Variants in PRPF3 observed in about 807,000 individuals in gnomAD.
The protein encoded by PRPF3 is U4/U6 small nuclear ribonucleoprotein Prp3.
A neutral mutation model predicts 89.2 loss-of-function variants in PRPF3; 3 were observed. That is an observed-to-expected ratio of 0.03 (90% CI 0.02 to 0.09). The LOEUF is 0.09. Ranked by LOEUF, PRPF3 falls within the 10% of genes least tolerant of loss-of-function variation. PRPF3 has a pLI of 1.00. For synonymous variants in PRPF3, 270 were observed against 289.1 expected, an observed-to-expected ratio of 0.93 and a Z score of 0.67; for missense variants, 463 against 828.8, an observed-to-expected ratio of 0.56 and a Z score of 5.42.
intron 2 of PRPF3, among the ~76,000 whole-genome samples, 196 bp from the exon 3 acceptor site, chr1:150,325,555 C>T (rs1200218909): frequency 6.6e-6 from 1 of 152,096 alleles, no homozygotes; most frequent in Non-Finnish European, 1.5e-5. Flanking sequence ...CACCACTTCC[C>T]ACGCCAAAAA....
intron 1 of PRPF3, 133 bp from the exon 2 acceptor site, chr1:150,324,762 G>A: frequency 1.7e-6 from 1 of 576,240 alleles, no homozygotes; most frequent in Non-Finnish European, 3.0e-6. Flanking sequence ...GGCCAGACTG[G>A]TCTCGAACTC....
intron 14 of PRPF3, 80 bp downstream of exon 14, chr1:150,346,571 T>C: frequency 7.3e-7 from 1 of 1,374,242 alleles, no homozygotes; most frequent in South Asian, 1.2e-5. Context: ...TCTTATTTCC[T>C]CCCTGTGACA....
At chr1:150,345,642 C>A (rs1005628366) in intron 12 of PRPF3, 1 of 294,458 alleles carries the variant, frequency 3.4e-6, no homozygotes, top group Non-Finnish European at 6.6e-6. Flanking sequence ...AGCCACCGCA[C>A]CCAGCCAAGT....
intron 9 of PRPF3, 174 bp from the exon 10 acceptor site, chr1:150,343,135 G>A (rs1657938742): frequency 4.0e-6 from 1 of 248,672 alleles, no homozygotes; most frequent in Non-Finnish European, 7.5e-6. Context: ...CTAGCTACTC[G>A]GGAGGCTGAG....
At chr1:150,345,127 G>A (rs1430104706) in intron 12 of PRPF3, among the ~76,000 whole-genome samples, 9 of 151,672 alleles carry the variant, frequency 5.9e-5, no homozygotes, top group African/African-American at 2.2e-4. Context: ...CTATTAACTA[G>A]TTCTTTATTA....
chr1:150,325,771 G>A lies in PRPF3; in HGVS notation c.166G>A (p.Asp56Asn). The A allele has an allele frequency of 6.2e-7, 1 of 1,613,258 alleles. No homozygotes were observed. Among genetic ancestry groups the A allele is most frequent in the Non-Finnish European group, 8.5e-7 (1 of 1,179,480 alleles). The change falls in exon 3 of 16, where the codon GAT becomes AAT. Residue 56 changes from aspartate (D) to asparagine (N), a missense_variant. Asp to Asn is a conservative substitution (Grantham distance 23). Coordinates refer to ENST00000324862, the MANE Select transcript of PRPF3 (RefSeq NM_004698.4). Reference sequence around the variant, plus strand: ...GTCAGATCATCTGAAACCTTTTCTTGATGATTCTACTCTCCGATTTGTGGA... The same window carrying A: ...GTCAGATCATCTGAAACCTTTTCTTAATGATTCTACTCTCCGATTTGTGGA... ...KAADHLKPFLDDSTLRFVDKL... is the reference protein window; with the variant it reads ...KAADHLKPFLNDSTLRFVDKL...
chr1:150,352,906 A>G lies in PRPF3; in HGVS notation c.1979A>G (p.His660Arg). ...QCPTENMARE[H>R]FKKHGAEHYW... Reference sequence around the variant, plus strand: ...CCTACAGAGAACATGGCTCGTGAGCATTTCAAAAAGCATGGGGCTGAACAC... The same window carrying G: ...CCTACAGAGAACATGGCTCGTGAGCGTTTCAAAAAGCATGGGGCTGAACAC... Residue 660 changes from histidine (H) to arginine (R), a missense_variant, in exon 16 of 16, where the codon CAT becomes CGT. Around this residue, in one of 8 missense-constraint regions of PRPF3, gnomAD observed 78 missense variants for 96.6 expected, o/e 0.81. Coordinates refer to ENST00000324862, the MANE Select transcript of PRPF3 (RefSeq NM_004698.4). 1 of 1,614,186 alleles carries G rather than the reference A, an allele frequency of 6.2e-7. No homozygotes were observed. Among genetic ancestry groups the G allele is most frequent in the Non-Finnish European group, 8.5e-7 (1 of 1,180,028 alleles).
chr1:150,341,370 A>G (rs1186013858), intron 9 of PRPF3, among the ~76,000 whole-genome samples: 2 of 151,086 alleles, frequency 1.3e-5, no homozygotes, highest in Admixed American at 1.3e-4. Flanking sequence ...TAGTTTCCCA[A>G]AGTTGAAACT....
intron 7 of PRPF3, among the ~76,000 whole-genome samples, chr1:150,335,835 C>T (rs1178199939): frequency 6.8e-6 from 1 of 146,652 alleles, no homozygotes; most frequent in African/African-American, 2.5e-5. Context: ...GTGGTACAGT[C>T]TCAGCTCACT....
At chr1:150,328,892 A>G (rs1442852302) in intron 4 of PRPF3, among the ~76,000 whole-genome samples, 1 of 152,034 alleles carries the variant, frequency 6.6e-6, no homozygotes, top group Non-Finnish European at 1.5e-5. Flanking sequence ...GGGTTTCACC[A>G]TGTTGGGCAG....
chr1:150,350,530 C>A (rs1397736310), intron 15 of PRPF3, among the ~76,000 whole-genome samples: 4 of 152,084 alleles, frequency 2.6e-5, no homozygotes, highest in African/African-American at 4.8e-5. Flanking sequence ...GTGCTTATTT[C>A]TAGTATATGT....
At chr1:150,335,346 T>A (rs1435683293) in intron 7 of PRPF3, 105 bp downstream of exon 7, 3 of 1,351,504 alleles carry the variant, frequency 2.2e-6, no homozygotes, top group African/African-American at 2.9e-5. Flanking sequence ...ATAGGTCATT[T>A]AAAGCAGCAG....
intron 4 of PRPF3, among the ~76,000 whole-genome samples, chr1:150,329,493 TAAATG>T (rs1480292805): frequency 1.4e-4 from 21 of 149,248 alleles, no homozygotes; most frequent in African/African-American, 5.4e-4. Context: ...TTGAGAAAAT[TAAATG>T]AAATGATCAG....
At position 150,324,914 on chromosome 1, in the gene PRPF3, T is replaced by G; in HGVS notation, c.-29T>G. 2.5e-6 allele frequency: 4 copies of G among 1,598,068 alleles called. No individual in the cohort carries two copies. The highest frequency in any genetic ancestry group is 3.4e-6 in the Non-Finnish European group (4 of 1,170,772). Reference sequence around the variant, plus strand: ...TTTTAGGTGTAGTATTGAGTCCTGTTTGAGCTATTGTTCTCTTTTTCCTGA... The same window carrying G: ...TTTTAGGTGTAGTATTGAGTCCTGTGTGAGCTATTGTTCTCTTTTTCCTGA... On this transcript the variant is annotated 5_prime_UTR_variant, in exon 2 of 16. Coordinates refer to ENST00000324862, the MANE Select transcript of PRPF3 (RefSeq NM_004698.4).
chr1:150,346,161 A>G (rs782542123), intron 13 of PRPF3, 25 bp downstream of exon 13: 1 of 1,589,814 alleles, frequency 6.3e-7, no homozygotes, highest in South Asian at 1.1e-5. Context: ...CTTGAGGGAG[A>G]CTGTCCCCAG....
rs1422473572 is a variant in PRPF3 at position 150,346,094 on chromosome 1, G to T, written c.1717G>T (p.Val573Leu). ...NAGQLYLTGV[V>L]VLHKDVNVVV... ...TGGGCAACTGTACCTGACAGGGGTG[G>T]TGGTACTGCACAAGGATGTCAACGT... The change falls in exon 13 of 16, where the codon GTG (valine) becomes TTG (leucine). Residue 573 changes from valine to leucine, a missense_variant. Physicochemically the swap from Val to Leu is conservative, Grantham distance 32 (BLOSUM62 1). This residue lies in a region of PRPF3 where 261 missense variants were observed against 475.8 expected (regional missense o/e 0.55). Coordinates refer to ENST00000324862, the MANE Select transcript of PRPF3 (RefSeq NM_004698.4). 1.9e-6 allele frequency: 3 copies of T among 1,614,110 alleles called. No individual in the cohort carries two copies. The highest frequency in any genetic ancestry group is 2.5e-6 in the Non-Finnish European group (3 of 1,180,060).
rs1658624506 is a variant in PRPF3 at position 150,349,068 on chromosome 1, A to G, written c.1844-89A>G. On this transcript the variant is annotated intron_variant, in intron 14 of 15. Transcript: ENST00000324862. ...TGGTCCAACACATAAAAAGGGTGAT[A>G]ATATTTTAGAGAGTTTGGGTAGACT... The G allele has an allele frequency of 8.4e-6, 9 of 1,065,836 alleles. No individual in the cohort carries two copies. In the South Asian group the frequency reaches 1.0e-4, roughly 12 times the overall value. The allele number at this position is 1,065,836 out of a possible 1,614,324, so 66.0% of individuals were successfully genotyped here.
intron 1 of PRPF3, among the ~76,000 whole-genome samples, chr1:150,323,853 T>G (rs1470128363): frequency 1.4e-5 from 2 of 146,666 alleles, no homozygotes; most frequent in Non-Finnish European, 3.0e-5. Flanking sequence ...CTTGGCTCAC[T>G]GCAACCTCTG....
chr1:150,329,313 G>A (rs1656070422), intron 4 of PRPF3, among the ~76,000 whole-genome samples: 1 of 152,120 alleles, frequency 6.6e-6, no homozygotes, highest in South Asian at 2.1e-4. Flanking sequence ...ACAGGTGTGA[G>A]CCACCATGCC....
Sources: allele counts gnomAD v4.1 joint callset (sites outside exome capture counted in the v4.1 genomes callset), GRCh38; gene constraint gnomAD v4.1.1; regional missense constraint gnomAD v4.1.1; transcripts MANE v1.5; gene names NCBI Gene and HGNC (gene_info 2026-07-23, HGNC 2026-07-21).